Variants in SLC17A1 observed in about 807,000 individuals in gnomAD.
SLC17A1 encodes solute carrier family 17 member 1.
Under a neutral mutation model 53.5 loss-of-function variants are expected in SLC17A1, and 51 were observed. That is an observed-to-expected ratio of 0.95 (90% CI 0.76 to 1.20). SLC17A1 has a LOEUF of 1.20. Ranked by LOEUF, SLC17A1 falls within the 50% of genes most tolerant of loss-of-function variation. SLC17A1 has a pLI of 0.00. For missense variants in SLC17A1, 538 were observed against 568.2 expected (o/e 0.95, Z 0.54); for synonymous variants, 179 against 198.8 (o/e 0.90, Z 0.84).
At chr6:25,785,221 A>G (rs547989250) in intron 12 of SLC17A1, among the ~76,000 whole-genome samples, 6 of 152,284 alleles carry the variant, frequency 3.9e-5, no homozygotes, top group East Asian at 3.9e-4. Flanking sequence ...ATATTCGAAA[A>G]CTTCAAAATA....
At chr6:25,727,233 GC>G in the SLC17A1 span, 1 of 1,613,690 alleles carries the variant, frequency 6.2e-7, no homozygotes, top group Non-Finnish European at 8.5e-7. Flanking sequence ...GGGAGAGCTG[GC>G]TAAACATGCT....
intron 10 of SLC17A1, among the ~76,000 whole-genome samples, chr6:25,811,034 G>T (rs1764136192): frequency 6.6e-6 from 1 of 152,036 alleles, no homozygotes. Context: ...ACTTACATGT[G>T]GAATCTTACA....
rs181646425 is a variant in SLC17A1, at chr6:25,822,717, G to A, written c.208-2802C>T. ...GAGTAGCCATTTCTCTAGAATATGA[G>A]GTTCTCAGTATTTAAACCAAAGCAC... On this transcript the variant is annotated intron_variant, in intron 3 of 12. Transcript: ENST00000244527. Among the ~76,000 whole-genome samples, 210 of 151,922 alleles carry A rather than the reference G, an allele frequency of 1.4e-3. 1 individual carries two copies. The highest frequency in any genetic ancestry group is 4.7e-3 in the African/African-American group (194 of 41,420).
chr6:25,774,351 A>C, the SLC17A1 span, among the ~76,000 whole-genome samples: 1 of 152,226 alleles, frequency 6.6e-6, no homozygotes, highest in Non-Finnish European at 1.5e-5. Flanking sequence ...TGTTAGTGAC[A>C]GTTCACAAAG....
chr6:25,759,178 G>C, the SLC17A1 span, among the ~76,000 whole-genome samples: 8 of 151,856 alleles, frequency 5.3e-5, no homozygotes, highest in African/African-American at 1.9e-4. Flanking sequence ...ATATAATTTC[G>C]ATTTCCTTAA....
At chr6:25,799,474 A>G (rs1385528273) in intron 11 of SLC17A1, among the ~76,000 whole-genome samples, 1 of 152,152 alleles carries the variant, frequency 6.6e-6, no homozygotes, top group Non-Finnish European at 1.5e-5. Flanking sequence ...CTCATTAAAC[A>G]TTGTTCTTCA....
intron 11 of SLC17A1, 98 bp downstream of exon 11, chr6:25,800,792 A>T (rs887373388): frequency 1.3e-6 from 1 of 745,166 alleles, no homozygotes; most frequent in Admixed American, 2.4e-5. Flanking sequence ...CTCATAAGTC[A>T]TCTCCTTCTG....
downstream of SLC17A1, among the ~76,000 whole-genome samples, chr6:25,781,722 A>G (rs9356989): frequency 0.25 from 38,528 of 151,908 alleles, 6,234 homozygotes; most frequent in East Asian, 0.68. Flanking sequence ...GTTTTTTTAA[A>G]ACAAGCAGCT....
chr6:25,781,233 G>A (rs753072374), downstream of SLC17A1: 2 of 43,246 alleles, frequency 4.6e-5, no homozygotes, highest in South Asian at 2.6e-3. Flanking sequence ...GAGAAAGAAA[G>A]AAACAAAGAA....
the SLC17A1 span, among the ~76,000 whole-genome samples, chr6:25,727,687 C>A: frequency 1.4e-3 from 219 of 152,132 alleles, 2 homozygotes; most frequent in East Asian, 0.018. Flanking sequence ...GCGAATATAT[C>A]CAAATCAGCT....
the SLC17A1 span, among the ~76,000 whole-genome samples, chr6:25,724,266 A>G: frequency 3.3e-5 from 5 of 152,170 alleles, no homozygotes; most frequent in Non-Finnish European, 7.3e-5. Flanking sequence ...TCTACTAACA[A>G]TACAAAAGTT....
intron 3 of SLC17A1, among the ~76,000 whole-genome samples, chr6:25,825,705 G>C (rs542998130): frequency 6.6e-6 from 1 of 151,770 alleles, no homozygotes; most frequent in Non-Finnish European, 1.5e-5. Flanking sequence ...ATTAATTATG[G>C]AAAGTTCTCA....
chr6:25,806,660 A>G (rs1457695511), intron 10 of SLC17A1, among the ~76,000 whole-genome samples: 3 of 152,166 alleles, frequency 2.0e-5, no homozygotes, highest in African/African-American at 7.2e-5. Context: ...AATGCAAAAG[A>G]AACAAAAATA....
the SLC17A1 span, among the ~76,000 whole-genome samples, chr6:25,736,560 T>C: frequency 1.3e-5 from 2 of 152,122 alleles, no homozygotes; most frequent in African/African-American, 4.8e-5. Context: ...ACAAGGGGTA[T>C]GGCTGGTGCT....
the SLC17A1 span, among the ~76,000 whole-genome samples, chr6:25,741,961 C>G: frequency 6.6e-6 from 1 of 152,140 alleles, no homozygotes; most frequent in African/African-American, 2.4e-5. Flanking sequence ...CTGTGACAAA[C>G]TGAGGGTCTC....
the SLC17A1 span, among the ~76,000 whole-genome samples, chr6:25,725,896 CAT>C: frequency 2.0e-4 from 31 of 152,294 alleles, no homozygotes; most frequent in African/African-American, 6.3e-4. Context: ...CGCCCAGTGA[CAT>C]ATATAACCAA....
chr6:25,830,667 A>C, intron 1 of SLC17A1, 60 bp from the exon 2 acceptor site: 2 of 1,093,890 alleles, frequency 1.8e-6, no homozygotes, highest in Non-Finnish European at 2.8e-6. Flanking sequence ...ACCAAACACT[A>C]CCCAGTACTC....
At chr6:25,748,046 A>G in the SLC17A1 span, among the ~76,000 whole-genome samples, 1 of 152,236 alleles carries the variant, frequency 6.6e-6, no homozygotes, top group Non-Finnish European at 1.5e-5. Context: ...TTACATGAAA[A>G]AACACTTAGT....
the SLC17A1 span, among the ~76,000 whole-genome samples, chr6:25,730,597 A>G: frequency 6.6e-6 from 1 of 152,230 alleles, no homozygotes; most frequent in Non-Finnish European, 1.5e-5. Context: ...TATAGTTGGT[A>G]ACAATATGTT....
Sources: allele counts gnomAD v4.1 joint callset (sites outside exome capture counted in the v4.1 genomes callset), GRCh38; gene constraint gnomAD v4.1.1; transcripts MANE v1.5; gene names NCBI Gene and HGNC (gene_info 2026-07-23, HGNC 2026-07-21).